Variants in CFAP299 observed in about 807,000 individuals in gnomAD.
The protein encoded by CFAP299 is cilia- and flagella-associated protein 299.
A neutral mutation model predicts 27.0 loss-of-function variants in CFAP299; 21 were observed. The observed-to-expected ratio is 0.78, with a 90% confidence interval of 0.55 to 1.12. The LOEUF (loss-of-function observed/expected upper bound fraction) is 1.12. Ranked by LOEUF, CFAP299 falls within the 50% of genes most tolerant of loss-of-function variation. The pLI is 0.00. For synonymous variants in CFAP299, 104 were observed against 98.1 expected, an observed-to-expected ratio of 1.06 and a Z score of -0.36; for missense variants, 310 against 276.6, an observed-to-expected ratio of 1.12 and a Z score of -0.86.
chr4:80,518,182 AAGATAATATTAGC>A (rs1174263143), intron 2 of CFAP299, among the ~76,000 whole-genome samples: 1 of 152,116 alleles, frequency 6.6e-6, no homozygotes, highest in Non-Finnish European at 1.5e-5. Flanking sequence ...GAAGACATAC[AAGATAATATTAGC>A]AATTGGTGTA....
At chr4:80,325,548 A>G in the CFAP299 span, among the ~76,000 whole-genome samples, 1 of 152,248 alleles carries the variant, frequency 6.6e-6, no homozygotes, top group Non-Finnish European at 1.5e-5. Context: ...CTACAATGAC[A>G]ACAGTTAATG....
intron 4 of CFAP299, among the ~76,000 whole-genome samples, chr4:80,924,130 T>C (rs1736181320): frequency 6.6e-6 from 1 of 151,952 alleles, no homozygotes; most frequent in African/African-American, 2.4e-5. Context: ...AAATGTTCCA[T>C]GAAACATTTT....
At chr4:80,446,224 T>C (rs756773877) in intron 2 of CFAP299, among the ~76,000 whole-genome samples, 4 of 152,166 alleles carry the variant, frequency 2.6e-5, no homozygotes, top group Non-Finnish European at 5.9e-5. Flanking sequence ...GTTGTCCATA[T>C]TTGTGTGTGT....
chr4:80,953,887 A>G (rs140529480), intron 5 of CFAP299, among the ~76,000 whole-genome samples: 7 of 152,300 alleles, frequency 4.6e-5, no homozygotes, highest in Admixed American at 1.3e-4. Flanking sequence ...AGCATACATG[A>G]CAAAGAAAAA....
chr4:80,554,910 G>T (rs762161281), intron 2 of CFAP299, among the ~76,000 whole-genome samples: 3 of 152,050 alleles, frequency 2.0e-5, no homozygotes, highest in Admixed American at 6.6e-5. Context: ...CCAAGACAAT[G>T]GGGTTTTCTA....
intron 3 of CFAP299, among the ~76,000 whole-genome samples, chr4:80,847,370 C>T (rs373154864): frequency 2.0e-5 from 3 of 152,158 alleles, no homozygotes; most frequent in Admixed American, 6.5e-5. Context: ...GCAATTCTGT[C>T]GGATACCCAC....
At chr4:80,866,302 A>G (rs1732744603) in intron 3 of CFAP299, among the ~76,000 whole-genome samples, 1 of 151,686 alleles carries the variant, frequency 6.6e-6, no homozygotes, top group Non-Finnish European at 1.5e-5. Flanking sequence ...ATGATTAATA[A>G]CCAGAATTCT....
chr4:80,387,897 G>T, intron 2 of CFAP299: 2 of 956,354 alleles, frequency 2.1e-6, no homozygotes, highest in Non-Finnish European at 3.4e-6. Context: ...TGGCCACGGT[G>T]CCCCCGGTGG....
intron 2 of CFAP299, among the ~76,000 whole-genome samples, chr4:80,492,976 G>T (rs1469386891): frequency 1.3e-5 from 2 of 152,118 alleles, no homozygotes; most frequent in Admixed American, 6.5e-5. Flanking sequence ...CATATACAAA[G>T]TACACAGTCA....
At chr4:80,782,677 CATATATGAATATATAATATATTCATATAT>C (rs1726982280) in intron 3 of CFAP299, among the ~76,000 whole-genome samples, 1 of 120,234 alleles carries the variant, frequency 8.3e-6, no homozygotes, top group African/African-American at 3.2e-5. Context: ...ATATAATATA[CATATATGAATATATAATATATTCATATAT>C]AATATACATA....
At chr4:80,933,246 T>G (rs1203822901) in intron 4 of CFAP299, among the ~76,000 whole-genome samples, 4 of 151,978 alleles carry the variant, frequency 2.6e-5, no homozygotes, top group Admixed American at 6.6e-5. Flanking sequence ...AGCCATCATA[T>G]TACACATTAG....
chr4:80,875,780 A>G (rs1015588857), intron 4 of CFAP299, among the ~76,000 whole-genome samples: 2 of 152,122 alleles, frequency 1.3e-5, no homozygotes, highest in East Asian at 1.9e-4. Flanking sequence ...CTAACCACAT[A>G]TAGTGATACC....
intron 2 of CFAP299, among the ~76,000 whole-genome samples, chr4:80,393,981 C>T (rs1725637942): frequency 1.3e-5 from 2 of 152,124 alleles, no homozygotes; most frequent in African/African-American, 4.8e-5. Context: ...CCATTCTGTT[C>T]TCAAGATAGT....
At chr4:80,518,277 A>G (rs1405187685) in intron 2 of CFAP299, among the ~76,000 whole-genome samples, 1 of 152,204 alleles carries the variant, frequency 6.6e-6, no homozygotes. Flanking sequence ...TAGATAAACA[A>G]CAAAGAGGGA....
chr4:80,583,638 A>G (rs1736285347), intron 3 of CFAP299, among the ~76,000 whole-genome samples: 1 of 151,944 alleles, frequency 6.6e-6, no homozygotes, highest in Admixed American at 6.6e-5. Flanking sequence ...CTGTGTTATC[A>G]TTATTATTTT....
chr4:80,437,819 G>A (rs536677778), intron 2 of CFAP299, among the ~76,000 whole-genome samples: 6 of 152,234 alleles, frequency 3.9e-5, no homozygotes, highest in African/African-American at 1.4e-4. Flanking sequence ...TTATTTTAAT[G>A]GGCACTTTTG....
At chr4:80,839,269 C>A (rs887687522) in intron 3 of CFAP299, among the ~76,000 whole-genome samples, 1 of 152,072 alleles carries the variant, frequency 6.6e-6, no homozygotes, top group Non-Finnish European at 1.5e-5. Flanking sequence ...TTATTTTCAG[C>A]ATCATCGCAA....
intron 5 of CFAP299, 152 bp from the exon 6 acceptor site, chr4:80,963,365 A>G: frequency 3.4e-6 from 2 of 581,596 alleles, no homozygotes; most frequent in Non-Finnish European, 6.0e-6. Flanking sequence ...CTCCTGAGAA[A>G]AAGACTAGGG....
intron 3 of CFAP299, chr4:80,608,312 T>TC: frequency 6.6e-7 from 1 of 1,508,054 alleles, no homozygotes; most frequent in South Asian, 1.2e-5. Context: ...CAGTTGGATT[T>TC]CCCCTTTTAA....
Sources: gnomAD v4.1 joint callset for allele counts (sites outside exome capture counted in the v4.1 genomes callset) on GRCh38, gnomAD v4.1.1 for gene constraint, MANE v1.5 for transcripts, NCBI Gene and HGNC (gene_info 2026-07-23, HGNC 2026-07-21) for gene names.